Variants in PTPRD observed in about 807,000 individuals in gnomAD.
PTPRD encodes the protein protein tyrosine phosphatase receptor type D, also known as receptor-type tyrosine-protein phosphatase delta.
PTPRD carries 34 observed loss-of-function variants against 214.5 expected under a neutral mutation model. The ratio of observed to expected loss-of-function variants is 0.16; its 90% CI spans 0.12 to 0.21. The LOEUF (loss-of-function observed/expected upper bound fraction) is 0.21, where lower values mean the gene tolerates loss of function less well. PTPRD is among the 10% of genes least tolerant of loss of function. The pLI, the probability that PTPRD is intolerant of heterozygous loss-of-function variation, is 1.00. For missense variants in PTPRD, 2,545 were observed against 2,398.7 expected, an observed-to-expected ratio of 1.06 and a Z score of -1.27; for synonymous variants, 1,128 against 845.7, an observed-to-expected ratio of 1.33 and a Z score of -5.79.
At chr9:10,344,466 G>T (rs1022279434) in intron 2 of PTPRD, among the ~76,000 whole-genome samples, 1 of 152,104 alleles carries the variant, frequency 6.6e-6, no homozygotes, top group Non-Finnish European at 1.5e-5. Context: ...GTAGCATGAT[G>T]CCTCCAGCTT....
intron 2 of PTPRD, among the ~76,000 whole-genome samples, chr9:10,605,826 C>T (rs961988553): frequency 6.6e-6 from 1 of 151,760 alleles, no homozygotes; most frequent in African/African-American, 2.4e-5. Flanking sequence ...CTCAGCACTC[C>T]TTGACACATA....
intron 3 of PTPRD, among the ~76,000 whole-genome samples, chr9:10,195,098 ATTTTTTTTTT>A (rs34900305): frequency 3.1e-5 from 3 of 97,910 alleles, no homozygotes; most frequent in Admixed American, 1.3e-4. Flanking sequence ...ATACCCGGCT[ATTTTTTTTTT>A]TTTTTTTTTT....
At chr9:9,279,058 A>G (rs915162812) in intron 9 of PTPRD, among the ~76,000 whole-genome samples, 20 of 151,150 alleles carry the variant, frequency 1.3e-4, no homozygotes, top group African/African-American at 4.4e-4. Flanking sequence ...ATATCATATC[A>G]ATAGTTACCT....
chr9:8,676,075 C>G (rs190310599), intron 12 of PTPRD, among the ~76,000 whole-genome samples: 1 of 152,316 alleles, frequency 6.6e-6, no homozygotes, highest in Admixed American at 6.5e-5. Context: ...ATAACCACAG[C>G]AAACTATCTC....
chr9:10,250,906 T>C (rs1472459046), intron 3 of PTPRD, among the ~76,000 whole-genome samples: 3 of 151,926 alleles, frequency 2.0e-5, no homozygotes, highest in Admixed American at 6.6e-5. Flanking sequence ...TATACTGGCA[T>C]CCACATCTTT....
chr9:10,026,294 C>G (rs568278395), intron 4 of PTPRD, among the ~76,000 whole-genome samples: 35 of 152,270 alleles, frequency 2.3e-4, no homozygotes, highest in African/African-American at 8.2e-4. Context: ...GCTGATGACT[C>G]CATCTTTCTT....
intron 4 of PTPRD, among the ~76,000 whole-genome samples, chr9:9,991,657 G>A (rs1042412639): frequency 1.6e-4 from 25 of 152,208 alleles, no homozygotes; most frequent in African/African-American, 3.4e-4. Context: ...CACTGTGCCC[G>A]GCCCAGCCCA....
chr9:9,042,028 AAGG>A (rs2099641487), intron 10 of PTPRD, among the ~76,000 whole-genome samples: 1 of 152,188 alleles, frequency 6.6e-6, no homozygotes, highest in African/African-American at 2.4e-5. Context: ...TGAGCATGAA[AAGG>A]AGTTTATTGG....
chr9:10,119,947 C>T (rs1051360486), intron 3 of PTPRD, among the ~76,000 whole-genome samples: 6 of 151,846 alleles, frequency 4.0e-5, no homozygotes, highest in South Asian at 2.1e-4. Context: ...AAGTCTTTCA[C>T]GATGTTTCCT....
intron 10 of PTPRD, among the ~76,000 whole-genome samples, chr9:9,169,042 C>A (rs976119924): frequency 1.3e-5 from 2 of 151,824 alleles, no homozygotes; most frequent in East Asian, 3.9e-4. Flanking sequence ...CTGGGTGCTA[C>A]AAAACGTATA....
chr9:9,819,717 A>T (rs1235170800), intron 5 of PTPRD, among the ~76,000 whole-genome samples: 1 of 152,048 alleles, frequency 6.6e-6, no homozygotes, highest in African/African-American at 2.4e-5. Flanking sequence ...TTTCATGTCC[A>T]TGAGCATCCG....
chr9:9,074,121 G>T (rs1009088670), intron 10 of PTPRD, among the ~76,000 whole-genome samples: 3 of 152,050 alleles, frequency 2.0e-5, no homozygotes, highest in Admixed American at 6.6e-5. Context: ...AAAAACTAAA[G>T]CTGAGAGAAG....
chr9:8,476,117 C>T (rs1031539703), intron 30 of PTPRD, among the ~76,000 whole-genome samples: 27 of 152,210 alleles, frequency 1.8e-4, no homozygotes, highest in East Asian at 3.9e-4. Flanking sequence ...CCAGTGGTTC[C>T]GAGCCTTTTT....
At chr9:10,399,109 A>G (rs2098226633) in intron 2 of PTPRD, among the ~76,000 whole-genome samples, 1 of 151,980 alleles carries the variant, frequency 6.6e-6, no homozygotes, top group African/African-American at 2.4e-5. Flanking sequence ...TCTTTACTTA[A>G]ATATAGAATG....
rs75811720 is a variant in PTPRD at position 9,194,733 on chromosome 9, C to T, written c.-202-11370G>A. Among the ~76,000 whole-genome samples the T allele has an allele frequency of 4.1e-3, 616 of 152,080 alleles. 3 individuals carry two copies. Among genetic ancestry groups the T allele is most frequent in the African/African-American group, 0.012 (495 of 41,502 alleles). ...TGAAATAGGGCGCTGGGATCCTGAG[C>T]GATAGTGGGAAAATAGTTCTAATAG... is the stretch of plus-strand genomic sequence containing the variant. On this transcript the variant is annotated intron_variant, in intron 9 of 45. Coordinates refer to ENST00000381196, the MANE Select transcript of PTPRD (RefSeq NM_002839.4).
At chr9:9,409,024 AACTTAG>A (rs2074491645) in intron 8 of PTPRD, among the ~76,000 whole-genome samples, 1 of 151,936 alleles carries the variant, frequency 6.6e-6, no homozygotes, top group Admixed American at 6.6e-5. Context: ...CTTTCATCAA[AACTTAG>A]ACACAATTAT....
intron 8 of PTPRD, among the ~76,000 whole-genome samples, chr9:9,493,968 G>T (rs62533230): frequency 0.08 from 12,229 of 152,062 alleles, 622 homozygotes; most frequent in South Asian, 0.16. Context: ...CATGAGAGAA[G>T]GCCAAAATAT....
At chr9:8,614,275 G>A (rs1181843485) in intron 14 of PTPRD, among the ~76,000 whole-genome samples, 3 of 152,118 alleles carry the variant, frequency 2.0e-5, no homozygotes, top group Non-Finnish European at 2.9e-5. Context: ...ATTTCATACA[G>A]TGGCAAAATA....
intron 3 of PTPRD, among the ~76,000 whole-genome samples, chr9:10,129,499 CTTTTTTTT>C (rs35281382): frequency 2.7e-4 from 34 of 125,814 alleles, no homozygotes; most frequent in Non-Finnish European, 5.1e-4. Context: ...TTTTTCTTTC[CTTTTTTTT>C]TTTTTTTTTC....
Sources: allele counts gnomAD v4.1 joint callset (sites outside exome capture counted in the v4.1 genomes callset), GRCh38; gene constraint gnomAD v4.1.1; transcripts MANE v1.5; gene names NCBI Gene and HGNC (gene_info 2026-07-23, HGNC 2026-07-21).